GTF2IRD1: variants seen among roughly 807,000 people sequenced by gnomAD.
GTF2IRD1 encodes the protein general transcription factor II-I repeat domain-containing protein 1.
GTF2IRD1 carries 26 observed loss-of-function variants against 113.2 expected under a neutral mutation model. The observed-to-expected ratio is 0.23, with a 90% confidence interval of 0.17 to 0.32. GTF2IRD1 has a LOEUF of 0.32. Ranked by LOEUF, GTF2IRD1 falls within the 10% of genes least tolerant of loss-of-function variation. GTF2IRD1 has a pLI of 1.00. For synonymous variants in GTF2IRD1, 484 were observed against 529.1 expected (o/e 0.91, Z 1.17); for missense variants, 864 against 1,280.8 (o/e 0.67, Z 4.97).
chr7:74,459,287 A>G (rs952573259), intron 1 of GTF2IRD1, among the ~76,000 whole-genome samples: 1 of 152,056 alleles, frequency 6.6e-6, no homozygotes, highest in Non-Finnish European at 1.5e-5. Flanking sequence ...GTGAAACCCC[A>G]TCTCTACTAA....
intron 24 of GTF2IRD1, among the ~76,000 whole-genome samples, chr7:74,593,038 G>T (rs1393747184): frequency 6.7e-6 from 1 of 150,120 alleles, no homozygotes; most frequent in African/African-American, 2.5e-5. Context: ...TTGTATTTTT[G>T]TAGAGACAGG....
chr7:74,581,388 T>A (rs1304787748), intron 22 of GTF2IRD1, among the ~76,000 whole-genome samples: 1 of 152,216 alleles, frequency 6.6e-6, no homozygotes, highest in East Asian at 1.9e-4. Context: ...GCGAGCTGAT[T>A]GCAGAGCTGG....
rs1796683942 is a variant in GTF2IRD1 at position 74,512,250 on chromosome 7, G to A, written c.124-580G>A. On this transcript the variant is annotated intron_variant, in intron 2 of 26. Coordinates refer to ENST00000424337, the MANE Select transcript of GTF2IRD1 (RefSeq NM_005685.4). The surrounding 1 kb of genome is among the most constrained non-coding windows in gnomAD (Gnocchi z 4.4). ...GCCTGTAGTCCCAGCTACTCGGGAG[G>A]CTGAGGCAGGAGAATCGCTTGAACC... Among the ~76,000 whole-genome samples, 1 of 152,190 alleles carries A rather than the reference G, an allele frequency of 6.6e-6. No individual in the cohort carries two copies. Among genetic ancestry groups the A allele is most frequent in the Non-Finnish European group, 1.5e-5 (1 of 68,040 alleles).
chr7:74,554,970 G>A (rs1412301142), intron 17 of GTF2IRD1, among the ~76,000 whole-genome samples: 1 of 152,128 alleles, frequency 6.6e-6, no homozygotes, highest in Non-Finnish European at 1.5e-5. Context: ...GGACTGGGGG[G>A]GGTCTCACTC....
chr7:74,498,687 G>T (rs1187837428), intron 1 of GTF2IRD1, among the ~76,000 whole-genome samples: 1 of 149,738 alleles, frequency 6.7e-6, no homozygotes, highest in African/African-American at 2.5e-5. Context: ...CTGTGCCTGC[G>T]CGAGCTTCTC....
chr7:74,454,998 C>T (rs1792869344), intron 1 of GTF2IRD1, among the ~76,000 whole-genome samples: 1 of 152,152 alleles, frequency 6.6e-6, no homozygotes, highest in Non-Finnish European at 1.5e-5. Flanking sequence ...GACCCTGCCT[C>T]GCCTGGCGTG....
intron 9 of GTF2IRD1, among the ~76,000 whole-genome samples, chr7:74,534,611 G>A (rs1334315079): frequency 3.9e-5 from 6 of 151,946 alleles, no homozygotes; most frequent in African/African-American, 4.8e-5. Context: ...CTGGGGGAGC[G>A]AGGCTGACAA....
intron 16 of GTF2IRD1, among the ~76,000 whole-genome samples, chr7:74,546,595 G>A (rs782121558): frequency 3.3e-5 from 5 of 152,148 alleles, no homozygotes; most frequent in Admixed American, 6.6e-5. Flanking sequence ...GAGAACTGAG[G>A]CCTGGTAAAG....
At chr7:74,601,963 G>C (rs1300019580) in intron 26 of GTF2IRD1, 2 of 163,736 alleles carry the variant, frequency 1.2e-5, no homozygotes, top group Admixed American at 5.9e-5. Flanking sequence ...TAAATAGGCT[G>C]GGTGTGGTGG....
At chr7:74,484,800 T>C (rs192675001) in intron 1 of GTF2IRD1, among the ~76,000 whole-genome samples, 2 of 152,262 alleles carry the variant, frequency 1.3e-5, no homozygotes, top group Admixed American at 1.3e-4. Context: ...ATTGTATGGA[T>C]AGACTGTGGT....
chr7:74,538,843 T>A, intron 13 of GTF2IRD1, 83 bp downstream of exon 13: 2 of 774,476 alleles, frequency 2.6e-6, no homozygotes, highest in Admixed American at 2.1e-5. Flanking sequence ...GGTGAAGAAG[T>A]GGCCTCCAGG....
At chr7:74,582,979 C>CA (rs5884952) in intron 22 of GTF2IRD1, among the ~76,000 whole-genome samples, 14,864 of 138,972 alleles carry the variant, frequency 0.11, 818 homozygotes, top group East Asian at 0.21. Flanking sequence ...CTGTCTCTAC[C>CA]AAAAAAAAAA....
At chr7:74,588,387 C>T (rs1321770645) in intron 22 of GTF2IRD1, among the ~76,000 whole-genome samples, 1 of 152,022 alleles carries the variant, frequency 6.6e-6, no homozygotes, top group African/African-American at 2.4e-5. Context: ...GGGTTACAGG[C>T]GTGAGCCACC....
chr7:74,599,425 A>G (rs1442865914), intron 25 of GTF2IRD1, among the ~76,000 whole-genome samples: 3 of 152,120 alleles, frequency 2.0e-5, no homozygotes, highest in African/African-American at 7.2e-5. Flanking sequence ...TCCGTGCTGA[A>G]CTAGGTGCTG....
At chr7:74,527,215 G>A (rs1168520865) in intron 8 of GTF2IRD1, among the ~76,000 whole-genome samples, 1 of 152,196 alleles carries the variant, frequency 6.6e-6, no homozygotes, top group Non-Finnish European at 1.5e-5. Flanking sequence ...AAGGCCAGGA[G>A]CGGTGGCTCA....
chr7:74,518,436 A>T, intron 5 of GTF2IRD1, 114 bp downstream of exon 5: 1 of 787,066 alleles, frequency 1.3e-6, no homozygotes, highest in Non-Finnish European at 2.0e-6. Context: ...CCCGTGGGGG[A>T]CCCTGGTGGT....
chr7:74,566,781 G>A (rs942068269), intron 22 of GTF2IRD1, among the ~76,000 whole-genome samples: 6 of 152,320 alleles, frequency 3.9e-5, no homozygotes, highest in African/African-American at 1.4e-4. Flanking sequence ...GTGTGGTAGA[G>A]ATTTGAACCT....
intron 1 of GTF2IRD1, among the ~76,000 whole-genome samples, chr7:74,455,750 G>A (rs1554327077): frequency 6.6e-6 from 1 of 152,184 alleles, no homozygotes; most frequent in African/African-American, 2.4e-5. Flanking sequence ...CCTCTGGGGT[G>A]TGGGAGGCTC....
intron 1 of GTF2IRD1, among the ~76,000 whole-genome samples, chr7:74,496,651 GGT>G (rs564432763): frequency 7.5e-4 from 112 of 149,890 alleles, no homozygotes; most frequent in African/African-American, 1.0e-3. Flanking sequence ...TGTGCGTGTG[GGT>G]GTGTGTGTGA....
Sources: gnomAD v4.1 joint callset for allele counts (sites outside exome capture counted in the v4.1 genomes callset) on GRCh38, gnomAD v4.1.1 for gene constraint, Gnocchi (gnomAD v3.1) non-coding constraint, MANE v1.5 for transcripts, NCBI Gene and HGNC (gene_info 2026-07-23, HGNC 2026-07-21) for gene names.